The following DISP1 variants were observed in gnomAD, a reference collection of about 807,000 sequenced individuals.
DISP1 encodes the protein dispatched RND transporter family member 1, also known as protein dispatched homolog 1.
DISP1 carries 30 observed loss-of-function variants against 37.3 expected under a neutral mutation model. The observed-to-expected ratio is 0.80, with a 90% CI of 0.60 to 1.09. The LOEUF is 1.09. Ranked by LOEUF, DISP1 falls within the 50% of genes least tolerant of loss-of-function variation. The pLI is 0.00. For missense variants in DISP1, 1,598 were observed against 1,879.5 expected, an observed-to-expected ratio of 0.85 and a Z score of 2.77; for synonymous variants, 634 against 690.2, an observed-to-expected ratio of 0.92 and a Z score of 1.28.
chr1:222,984,153 C>T (rs1678045894), intron 4 of DISP1, among the ~76,000 whole-genome samples: 1 of 151,800 alleles, frequency 6.6e-6, no homozygotes, highest in African/African-American at 2.4e-5. Context: ...CGCCTATAAT[C>T]CCAGCACTTT....
intron 1 of DISP1, among the ~76,000 whole-genome samples, chr1:222,912,390 A>G (rs1034242193): frequency 1.3e-5 from 2 of 152,108 alleles, no homozygotes; most frequent in Non-Finnish European, 2.9e-5. Context: ...ACCTGTTTCC[A>G]GTGTTGTATT....
At chr1:222,965,724 C>A (rs896785424) in intron 3 of DISP1, among the ~76,000 whole-genome samples, 1 of 152,054 alleles carries the variant, frequency 6.6e-6, no homozygotes, top group East Asian at 1.9e-4. Flanking sequence ...TTTTTCTTAC[C>A]CCCATCAACT....
chr1:222,957,592 A>T (rs1413546679), intron 3 of DISP1, among the ~76,000 whole-genome samples: 1 of 152,116 alleles, frequency 6.6e-6, no homozygotes, highest in Non-Finnish European at 1.5e-5. Context: ...CTGTCTCAAT[A>T]AAAAAATAAA....
At chr1:222,859,317 A>G (rs960282325) in intron 1 of DISP1, among the ~76,000 whole-genome samples, 1 of 152,170 alleles carries the variant, frequency 6.6e-6, no homozygotes, top group East Asian at 1.9e-4. Flanking sequence ...AACAGCACAC[A>G]TTGGGGCCTG....
chr1:222,870,156 A>G (rs369880263), intron 1 of DISP1, among the ~76,000 whole-genome samples: 2 of 152,184 alleles, frequency 1.3e-5, no homozygotes, highest in South Asian at 2.1e-4. Flanking sequence ...TCCATGGTGT[A>G]TATGTGCCAC....
At chr1:222,979,171 G>A (rs116600544) in intron 3 of DISP1, among the ~76,000 whole-genome samples, 5,286 of 152,286 alleles carry the variant, frequency 0.035, 319 homozygotes, top group African/African-American at 0.12. Flanking sequence ...CACTTTGGGA[G>A]CCTGGGCGAG....
At chr1:222,848,455 TA>T (rs1026926786) in intron 1 of DISP1, among the ~76,000 whole-genome samples, 74 of 151,714 alleles carry the variant, frequency 4.9e-4, no homozygotes, top group Admixed American at 3.3e-4. Flanking sequence ...TTAAAAAAAA[TA>T]AAAACTTGTA....
At chr1:222,860,396 T>C (rs1396161874) in intron 1 of DISP1, among the ~76,000 whole-genome samples, 1 of 152,166 alleles carries the variant, frequency 6.6e-6, no homozygotes, top group Non-Finnish European at 1.5e-5. Flanking sequence ...AATATTTAGA[T>C]AGTCATCATA....
At position 222,942,450 on chromosome 1, in the gene DISP1, C is replaced by T. The variant is rs528050761; in HGVS notation, c.-17-357C>T. On this transcript the variant is annotated intron_variant, in intron 2 of 8. Coordinates refer to ENST00000675850, the MANE Select transcript of DISP1 (RefSeq NM_001377229.1). The stretch of plus-strand genomic sequence containing the variant: ...AGCCAACCATGATATTGTTGAAAAG[C>T]TAAAGGATGCTATTTGTATCCTCTC... 3.3e-5 allele frequency among the ~76,000 whole-genome samples: 5 copies of T among 152,116 alleles called. No individual in the cohort carries two copies. In the South Asian group the frequency reaches 1.0e-3, roughly 32 times the overall value.
intron 1 of DISP1, among the ~76,000 whole-genome samples, chr1:222,886,367 A>C (rs1670603533): frequency 1.3e-5 from 2 of 152,242 alleles, no homozygotes; most frequent in African/African-American, 4.8e-5. Context: ...TGTCGGGTTC[A>C]GACGTTCATG....
chr1:222,825,300 T>C (rs1247502249), intron 1 of DISP1, among the ~76,000 whole-genome samples: 3 of 152,208 alleles, frequency 2.0e-5, no homozygotes, highest in Admixed American at 6.5e-5. Context: ...CAAGGTCAAA[T>C]ATATTGATTT....
In DISP1 at chr1:222,826,479, C is replaced by T. The variant is rs561694901; in HGVS notation, c.-159+11401C>T. On this transcript the variant is annotated intron_variant, in intron 1 of 8. Coordinates refer to ENST00000675850, the MANE Select transcript of DISP1 (RefSeq NM_001377229.1). Reference sequence around the variant, plus strand: ...CACTGCAGCTTCAACCTCCTGGGCTCGAGTGATCCTCTTGCCTCAGCCTCC... The same window carrying T: ...CACTGCAGCTTCAACCTCCTGGGCTTGAGTGATCCTCTTGCCTCAGCCTCC... Among the ~76,000 whole-genome samples the T allele has an allele frequency of 3.4e-5, 5 of 148,874 alleles. No homozygotes were observed. In the South Asian group the frequency reaches 6.4e-4, roughly 19 times the overall value.
At chr1:222,907,327 T>G (rs961036426) in intron 1 of DISP1, among the ~76,000 whole-genome samples, 1 of 151,982 alleles carries the variant, frequency 6.6e-6, no homozygotes, top group African/African-American at 2.4e-5. Context: ...TCTACAGGAG[T>G]AAAACGGGGA....
Position 222,942,986 on chromosome 1 carries a change from T to C in DISP1, c.163T>C (p.Cys55Arg). 1 of 1,614,198 alleles carries C rather than the reference T, an allele frequency of 6.2e-7. No individual in the cohort carries two copies. The highest frequency in any genetic ancestry group is 8.5e-7 in the Non-Finnish European group (1 of 1,180,030). Residue 55 changes from cysteine to arginine, a missense_variant, in exon 3 of 9, where the codon TGC becomes CGC. Coordinates refer to ENST00000675850, the MANE Select transcript of DISP1 (RefSeq NM_001377229.1). ...AAGAACAAAAGTGAGTCCAAATGGA[T>C]GCCTGCAACTTAATGGCACGGTCAA... is the stretch of plus-strand genomic sequence containing the variant. ...ATRTKVSPNG[C>R]LQLNGTVKSS...
chr1:222,873,281 T>C (rs1459620757), intron 1 of DISP1, among the ~76,000 whole-genome samples: 1 of 152,114 alleles, frequency 6.6e-6, no homozygotes, highest in Non-Finnish European at 1.5e-5. Flanking sequence ...CTGTAGAGGT[T>C]TATTAGGTCT....
chr1:222,839,557 C>T (rs532557899), intron 1 of DISP1, among the ~76,000 whole-genome samples: 46 of 152,304 alleles, frequency 3.0e-4, no homozygotes, highest in African/African-American at 1.1e-3. Flanking sequence ...AGTGATCTCA[C>T]TGCTTAGTAC....
intron 1 of DISP1, among the ~76,000 whole-genome samples, chr1:222,919,281 T>C (rs945319769): frequency 2.0e-5 from 3 of 152,234 alleles, no homozygotes; most frequent in African/African-American, 7.2e-5. Context: ...ATGCAGAATG[T>C]TGGCAAACTG....
At chr1:222,935,640 A>G (rs1412614770) in intron 2 of DISP1, among the ~76,000 whole-genome samples, 2 of 152,124 alleles carry the variant, frequency 1.3e-5, no homozygotes, top group Non-Finnish European at 2.9e-5. Context: ...GTTGATGGGG[A>G]TGAAAATGGT....
intron 1 of DISP1, among the ~76,000 whole-genome samples, chr1:222,873,452 G>A (rs1242195873): frequency 6.6e-6 from 1 of 152,134 alleles, no homozygotes; most frequent in Non-Finnish European, 1.5e-5. Flanking sequence ...ATGAATCTGG[G>A]TGCTCCTGTA....
Sources: gnomAD v4.1 joint callset for allele counts (sites outside exome capture counted in the v4.1 genomes callset) on GRCh38, gnomAD v4.1.1 for gene constraint, MANE v1.5 for transcripts, NCBI Gene and HGNC (gene_info 2026-07-23, HGNC 2026-07-21) for gene names.